PCDHA6: variants seen among roughly 807,000 people sequenced by gnomAD.
PCDHA6 encodes the protein protocadherin alpha-6.
A neutral mutation model predicts 60.3 loss-of-function variants in PCDHA6; 55 were observed. The observed-to-expected ratio is 0.91, with a 90% CI of 0.73 to 1.14. PCDHA6 has a LOEUF of 1.14. Among genes scored for constraint, PCDHA6 ranks in the 50% most tolerant of loss-of-function variants. The probability of loss-of-function intolerance (pLI) is 0.00; values close to 1 mark genes in which losing one functional copy is unlikely to be tolerated. For missense variants in PCDHA6, 1,327 were observed against 1,256.5 expected (o/e 1.06, Z -0.85); for synonymous variants, 652 against 557.9 (o/e 1.17, Z -2.38).
intron 1 of PCDHA6, among the ~76,000 whole-genome samples, chr5:140,899,769 T>C (rs376898324): frequency 4.6e-4 from 70 of 152,316 alleles, no homozygotes; most frequent in African/African-American, 1.7e-3. Flanking sequence ...CAGTTCCTCC[T>C]TTTACCTCTG....
intron 1 of PCDHA6, chr5:140,870,088 A>G: frequency 1.9e-6 from 3 of 1,613,934 alleles, no homozygotes; most frequent in Non-Finnish European, 2.5e-6. Flanking sequence ...GACTCCCCCA[A>G]TGGCAGGTCA....
chr5:140,877,821 T>C (rs2057358206), intron 1 of PCDHA6: 1 of 1,603,226 alleles, frequency 6.2e-7, no homozygotes, highest in East Asian at 2.2e-5. Flanking sequence ...GAGAAGATTG[T>C]TTAAATCCTC....
At chr5:140,922,565 C>G (rs1334011438) in intron 1 of PCDHA6, among the ~76,000 whole-genome samples, 1 of 152,150 alleles carries the variant, frequency 6.6e-6, no homozygotes, top group Non-Finnish European at 1.5e-5. Context: ...GTCAGGATGA[C>G]AAGTTGCCCT....
chr5:140,989,253 G>C (rs886150768), intron 3 of PCDHA6, among the ~76,000 whole-genome samples: 1 of 152,194 alleles, frequency 6.6e-6, no homozygotes, highest in Non-Finnish European at 1.5e-5. Flanking sequence ...CTTGTCAAAA[G>C]GGAGATTCAA....
At position 140,842,992 on chromosome 5, in the gene PCDHA6, C is replaced by G. The variant is rs144435690; in HGVS notation, c.2394+12507C>G. On this transcript the variant is annotated intron_variant, in intron 1 of 3. Coordinates refer to ENST00000529310, the MANE Select transcript of PCDHA6 (RefSeq NM_018909.4). The stretch of plus-strand genomic sequence containing the variant: ...TGACGCTGCAGGTGTTCGTGCTGGA[C>G]GAGAATGACAACGCGCCGGCACTGC... 42 of 1,594,970 alleles carry G rather than the reference C, an allele frequency of 2.6e-5. 1 individual carries two copies. In the African/African-American group the frequency reaches 5.2e-4, roughly 20 times the overall value.
intron 1 of PCDHA6, chr5:140,928,951 G>C (rs2032668535): frequency 6.2e-7 from 1 of 1,614,028 alleles, no homozygotes; most frequent in Non-Finnish European, 8.5e-7. Flanking sequence ...TTTAGTAATT[G>C]CCTTGGCTTG....
intron 1 of PCDHA6, among the ~76,000 whole-genome samples, chr5:140,887,179 C>A (rs984497356): frequency 6.6e-6 from 1 of 151,850 alleles, no homozygotes; most frequent in Non-Finnish European, 1.5e-5. Context: ...TCACTGCAAG[C>A]TCCACCTCCC....
At chr5:140,871,466 A>T in intron 1 of PCDHA6, 1 of 1,603,050 alleles carries the variant, frequency 6.2e-7, no homozygotes. Flanking sequence ...GGGGAAAGAC[A>T]GGAGCCAGGG....
intron 1 of PCDHA6, among the ~76,000 whole-genome samples, chr5:140,923,976 A>G (rs1257687753): frequency 6.6e-6 from 1 of 152,176 alleles, no homozygotes; most frequent in Non-Finnish European, 1.5e-5. Context: ...CACACATACT[A>G]TCCCTCTAGG....
intron 1 of PCDHA6, among the ~76,000 whole-genome samples, chr5:140,874,551 T>C (rs1418780563): frequency 6.6e-6 from 1 of 152,222 alleles, no homozygotes; most frequent in African/African-American, 2.4e-5. Flanking sequence ...CTTTAAGAGA[T>C]CTTTCGCATT....
intron 1 of PCDHA6, among the ~76,000 whole-genome samples, chr5:140,974,059 G>A (rs1233997260): frequency 6.6e-6 from 1 of 152,180 alleles, no homozygotes; most frequent in Non-Finnish European, 1.5e-5. Context: ...AATATTTGGA[G>A]CAGTATAATC....
chr5:140,957,416 A>T (rs1456143168), intron 1 of PCDHA6, among the ~76,000 whole-genome samples: 2 of 152,144 alleles, frequency 1.3e-5, no homozygotes, highest in East Asian at 1.9e-4. Flanking sequence ...TATTGTTGTT[A>T]ATCTTTTACT....
At chr5:140,843,641 C>G (rs2150364392) in intron 1 of PCDHA6, 1 of 1,595,514 alleles carries the variant, frequency 6.3e-7, no homozygotes, top group Admixed American at 1.7e-5. Context: ...GGCCTTCAGC[C>G]CCTGCCTTCC....
chr5:141,000,603 T>C (rs1237883625), intron 3 of PCDHA6, among the ~76,000 whole-genome samples: 1 of 150,986 alleles, frequency 6.6e-6, no homozygotes, highest in Admixed American at 6.6e-5. Flanking sequence ...AATTTTTGTA[T>C]TTTTAGTAGA....
At chr5:141,004,100 ATCT>A (rs1241437793) in intron 3 of PCDHA6, among the ~76,000 whole-genome samples, 4 of 152,204 alleles carry the variant, frequency 2.6e-5, no homozygotes, top group Non-Finnish European at 5.9e-5. Context: ...TTCCGTTTTC[ATCT>A]TCTTCAAAAG....
At chr5:140,922,072 A>C (rs1390677282) in intron 1 of PCDHA6, among the ~76,000 whole-genome samples, 1 of 152,198 alleles carries the variant, frequency 6.6e-6, no homozygotes, top group East Asian at 1.9e-4. Context: ...AATCCCACTA[A>C]GCAAAAAGTG....
chr5:140,935,286 C>T (rs1283279527), intron 1 of PCDHA6, among the ~76,000 whole-genome samples: 1 of 152,150 alleles, frequency 6.6e-6, no homozygotes, highest in Non-Finnish European at 1.5e-5. Context: ...TAAAGTTCAG[C>T]ACTCCGAGGT....
At chr5:140,924,188 T>A (rs2081715328) in intron 1 of PCDHA6, among the ~76,000 whole-genome samples, 1 of 152,146 alleles carries the variant, frequency 6.6e-6, no homozygotes, top group African/African-American at 2.4e-5. Flanking sequence ...AGAAAATTAG[T>A]TTTGGTTTAG....
At chr5:140,870,073 A>T in intron 1 of PCDHA6, 1 of 1,613,872 alleles carries the variant, frequency 6.2e-7, no homozygotes, top group Non-Finnish European at 8.5e-7. Context: ...GGCTACAGAT[A>T]AGGGGACTCC....
Sources: allele counts gnomAD v4.1 joint callset (sites outside exome capture counted in the v4.1 genomes callset), GRCh38; gene constraint gnomAD v4.1.1; transcripts MANE v1.5; gene names NCBI Gene and HGNC (gene_info 2026-07-23, HGNC 2026-07-21).